The following MMP11 variants were observed in gnomAD, a reference collection of about 807,000 sequenced individuals.
The protein encoded by MMP11 is matrix metallopeptidase 11, also known as stromelysin-3.
MMP11 carries 26 observed loss-of-function variants against 49.5 expected under a neutral mutation model. The ratio of observed to expected loss-of-function variants is 0.52; its 90% confidence interval spans 0.38 to 0.73. MMP11 has a LOEUF of 0.73. MMP11 is among the 30% of genes least tolerant of loss of function. MMP11 has a pLI of 0.00. For missense variants in MMP11, 624 were observed against 671.2 expected (o/e 0.93, Z 0.78); for synonymous variants, 265 against 282.3 (o/e 0.94, Z 0.62).
rs747596627 is a variant in MMP11, at chr22:23,782,379, G to A, written c.1229G>A (p.Arg410His). 4.2e-5 allele frequency: 68 copies of A among 1,613,846 alleles called. 1 individual carries two copies. The highest frequency in any genetic ancestry group is 3.8e-4 in the Admixed American group (23 of 60,004). ...TTCTTCCGAGGCAGGGACTACTGGC[G>A]TTTCCACCCCAGCACCCGGCGTGTA... ...IYFFRGRDYW[R>H]FHPSTRRVDS... Residue 410 changes from arginine to histidine, a missense_variant, in exon 7 of 8, where the codon CGT (arginine) becomes CAT (histidine). Transcript: ENST00000215743.
At chr22:23,775,302 G>A (rs529575046) in intron 1 of MMP11, among the ~76,000 whole-genome samples, 2 of 152,218 alleles carry the variant, frequency 1.3e-5, no homozygotes, top group Admixed American at 6.5e-5. Flanking sequence ...CTCCCCAGGG[G>A]TGTAGATGAG....
chr22:23,774,947 G>C (rs1390555971), intron 1 of MMP11, among the ~76,000 whole-genome samples: 1 of 152,192 alleles, frequency 6.6e-6, no homozygotes, highest in African/African-American at 2.4e-5. Flanking sequence ...CCAGGACACT[G>C]GGTCAGCTGA....
chr22:23,775,327 G>A (rs1467816229), intron 1 of MMP11, among the ~76,000 whole-genome samples: 3 of 144,516 alleles, frequency 2.1e-5, no homozygotes, highest in African/African-American at 7.7e-5. Context: ...GTGGTGGCCT[G>A]TGTCTACCAC....
intron 1 of MMP11, 146 bp downstream of exon 1, chr22:23,773,124 C>T (rs919692102): frequency 1.7e-5 from 16 of 963,884 alleles, no homozygotes; most frequent in Non-Finnish European, 2.0e-5. Context: ...TCCCTCTAGG[C>T]GTGATAGACA....
intron 6 of MMP11, chr22:23,781,635 G>A (rs1244044450): frequency 4.7e-6 from 3 of 635,048 alleles, no homozygotes; most frequent in Non-Finnish European, 8.6e-6. Context: ...ATTGCACGGT[G>A]GGGCCTCGTG....
At chr22:23,775,411 C>T (rs1038512057) in intron 1 of MMP11, among the ~76,000 whole-genome samples, 5 of 152,192 alleles carry the variant, frequency 3.3e-5, no homozygotes, top group Non-Finnish European at 7.3e-5. Flanking sequence ...CTGCTTCATG[C>T]CGTGCCTTGT....
At chr22:23,781,874 G>A (rs1468607397) in intron 6 of MMP11, 1 of 621,332 alleles carries the variant, frequency 1.6e-6, no homozygotes, top group East Asian at 3.6e-5. Flanking sequence ...GCACAGCATG[G>A]GAAACCTGCG....
At chr22:23,775,290 AG>A (rs1387359029) in intron 1 of MMP11, among the ~76,000 whole-genome samples, 1 of 152,182 alleles carries the variant, frequency 6.6e-6, no homozygotes, top group African/African-American at 2.4e-5. Flanking sequence ...TTCTTCCTCA[AG>A]CTCCCCAGGG....
Position 23,781,007 on chromosome 22 carries a change from C to A in MMP11, c.765C>A (p.His255Gln). The A allele has an allele frequency of 6.2e-7, 1 of 1,613,216 alleles. No individual in the cohort carries two copies. The highest frequency in any genetic ancestry group is 1.3e-5 in the African/African-American group (1 of 75,036). Residue 255 changes from histidine to glutamine, a missense_variant, in exon 5 of 8, where the codon CAC becomes CAA. Physicochemically the swap from His to Gln is conservative, Grantham distance 24. Coordinates refer to ENST00000215743, the MANE Select transcript of MMP11 (RefSeq NM_005940.5). Reference protein sequence around the residue: ...LSPDDCRGVQHLYGQPWPTVT... With the variant: ...LSPDDCRGVQQLYGQPWPTVT... ...CAGATGACTGCAGGGGCGTTCAACA[C>A]CTATATGGCCAGCCCTGGCCCACTG...
At chr22:23,773,899 A>G (rs1299653749) in intron 1 of MMP11, among the ~76,000 whole-genome samples, 1 of 151,236 alleles carries the variant, frequency 6.6e-6, no homozygotes, top group Admixed American at 6.6e-5. Context: ...AGGCCTGGCC[A>G]GGCTGGGACC....
At position 23,782,411 on chromosome 22, in the gene MMP11, C is replaced by A. The variant is rs750563741; in HGVS notation, c.1261C>A (p.Pro421Thr). 1.2e-5 allele frequency: 19 copies of A among 1,613,854 alleles called. No homozygotes were observed. Among genetic ancestry groups the A allele is most frequent in the Non-Finnish European group, 1.6e-5 (19 of 1,179,988 alleles). ...CCCCAGCACCCGGCGTGTAGACAGT[C>A]CCGTGCCCCGCAGGGCCACTGACTG... The part of the protein sequence containing the change: ...FHPSTRRVDS[P>T]VPRRATDWRG... The change falls in exon 7 of 8, where the codon CCC becomes ACC. Residue 421 changes from proline to threonine, a missense_variant. Transcript: ENST00000215743.
Position 23,780,501 on chromosome 22 carries a change from A to C in MMP11, c.481A>C (p.Arg161=). Residue 161 remains arginine, a splice_region_variant and synonymous_variant, in exon 3 of 8, where the codon AGG becomes CGG. Coordinates refer to ENST00000215743, the MANE Select transcript of MMP11 (RefSeq NM_005940.5). This position sits in a 1 kb window ranked among gnomAD's most constrained non-coding sequence, Gnocchi z 4.6. The part of the protein sequence containing the change: ...GRADIMIDFA[R]YWHGDDLPFD... ...TGCTGACATCATGATCGACTTCGCC[A>C]GGTGAATGGGCGGCCTGGGACCCCT... The C allele has an allele frequency of 6.2e-7, 1 of 1,613,864 alleles. No individual in the cohort carries two copies. The highest frequency in any genetic ancestry group is 2.2e-5 in the East Asian group (1 of 44,862).
At position 23,779,372 on chromosome 22, in the gene MMP11, C is replaced by T. The variant is rs773608229; in HGVS notation, c.294C>T (p.Phe98=). The T allele has an allele frequency of 8.7e-6, 14 of 1,613,016 alleles. No homozygotes were observed. Among genetic ancestry groups the T allele is most frequent in the Middle Eastern group, 3.3e-4 (2 of 6,084 alleles). The change falls in exon 2 of 8, where the codon TTC becomes TTT. Residue 98 remains phenylalanine (F), a synonymous_variant. Coordinates refer to ENST00000215743, the MANE Select transcript of MMP11 (RefSeq NM_005940.5). ...GTGCCCGCAACCGACAGAAGAGGTT[C>T]GTGCTTTCTGGCGGGCGCTGGGAGA... ...GLSARNRQKR[F]VLSGGRWEKT...
chr22:23,780,831 G>GGGGCAGGA lies in MMP11; in HGVS notation c.617-26_617-25insGCAGGAGG. On this transcript the variant is annotated intron_variant, in intron 4 of 7. Transcript: ENST00000215743. This position sits in a 1 kb window ranked among gnomAD's most constrained non-coding sequence, Gnocchi z 4.6. The stretch of plus-strand genomic sequence containing the variant: ...TGGATGTCCTGGGCAGGAGGTTCGG[G>GGGGCAGGA]GGTTGCTGAGCCACCTCCCTTTTTC... 1 of 1,602,228 alleles carries GGGGCAGGA rather than the reference G, an allele frequency of 6.2e-7. No homozygotes were observed. The highest frequency in any genetic ancestry group is 1.3e-5 in the African/African-American group (1 of 74,954).
intron 1 of MMP11, 115 bp downstream of exon 1, chr22:23,773,093 G>C: frequency 3.8e-6 from 4 of 1,047,122 alleles, no homozygotes; most frequent in Non-Finnish European, 4.6e-6. Context: ...CCAGCGCCCG[G>C]TACCCGAAAC....
chr22:23,781,911 G>A (rs1927647277), intron 6 of MMP11: 1 of 658,588 alleles, frequency 1.5e-6, no homozygotes, highest in Non-Finnish European at 2.9e-6. Flanking sequence ...CCAGCCTGCA[G>A]GGGCCCAGGG....
Position 23,783,413 on chromosome 22 carries a change from T to C in MMP11, c.1336T>C (p.Tyr446His). The C allele has an allele frequency of 6.2e-7, 1 of 1,614,158 alleles. No individual in the cohort carries two copies. The highest frequency in any genetic ancestry group is 8.5e-7 in the Non-Finnish European group (1 of 1,180,000). Residue 446 changes from tyrosine to histidine, a missense_variant and splice_region_variant, in exon 8 of 8, where the codon TAT becomes CAT. By Grantham distance (83) the Tyr-to-His change is moderately conservative. Transcript: ENST00000215743. The stretch of plus-strand genomic sequence containing the variant: ...GCTTGACCACCTTCTCTTCTCAGGC[T>C]ATGCCTACTTCCTGCGCGGCCGCCT... ...IDAAFQDADG[Y>H]AYFLRGRLYW...
intron 7 of MMP11, chr22:23,782,719 C>A (rs1326251709): frequency 3.4e-6 from 2 of 597,010 alleles, no homozygotes; most frequent in Non-Finnish European, 5.9e-6. Context: ...TCAGCCACAG[C>A]CAGTAGAACA....
intron 2 of MMP11, chr22:23,779,677 G>A (rs138561600): frequency 2.2e-5 from 12 of 544,642 alleles, no homozygotes; most frequent in South Asian, 1.5e-4. Context: ...ACATGCCTGC[G>A]GACGGGTGTT....
Sources: allele counts gnomAD v4.1 joint callset (sites outside exome capture counted in the v4.1 genomes callset), GRCh38; gene constraint gnomAD v4.1.1; non-coding constraint Gnocchi (gnomAD v3.1); transcripts MANE v1.5; gene names NCBI Gene and HGNC (gene_info 2026-07-23, HGNC 2026-07-21).